The following UBR3 variants were observed in gnomAD, a reference collection of about 807,000 sequenced individuals.
UBR3 encodes E3 ubiquitin-protein ligase UBR3.
Under a neutral mutation model 243.2 loss-of-function variants are expected in UBR3, and 85 were observed. The observed-to-expected ratio is 0.35, with a 90% CI of 0.29 to 0.42. The LOEUF is 0.42. UBR3 is among the 10% of genes least tolerant of loss of function. The pLI, the probability that UBR3 is intolerant of heterozygous loss-of-function variation, is 1.00. For synonymous variants in UBR3, 748 were observed against 799.8 expected, an observed-to-expected ratio of 0.94 and a Z score of 1.09; for missense variants, 1,686 against 2,300.8, an observed-to-expected ratio of 0.73 and a Z score of 5.47.
intron 29 of UBR3, among the ~76,000 whole-genome samples, chr2:170,009,407 G>GAGAGGA (rs2090018716): frequency 6.6e-6 from 1 of 152,140 alleles, no homozygotes; most frequent in Admixed American, 6.5e-5. Context: ...TCAGATAAGG[G>GAGAGGA]AGAGGAAGCA....
chr2:169,910,633 CGTCTGGTTCCTAGA>C (rs2085216212), intron 10 of UBR3, among the ~76,000 whole-genome samples: 1 of 152,040 alleles, frequency 6.6e-6, no homozygotes, highest in African/African-American at 2.4e-5. Context: ...GTTATAGGAG[CGTCTGGTTCCTAGA>C]TAAGACATTC....
At chr2:169,977,258 C>A (rs918445252) in intron 24 of UBR3, among the ~76,000 whole-genome samples, 1 of 151,756 alleles carries the variant, frequency 6.6e-6, no homozygotes, top group African/African-American at 2.4e-5. Context: ...TAGAGAGATA[C>A]GAAGTTCAAA....
At position 169,926,721 on chromosome 2, in the gene UBR3, T is replaced by C. The variant is rs2085924347; in HGVS notation, c.2181T>C (p.Tyr727=). 11 of 1,550,108 alleles carry C rather than the reference T, an allele frequency of 7.1e-6. 1 individual carries two copies. The highest frequency in any genetic ancestry group is 9.6e-6 in the Non-Finnish European group (11 of 1,146,496). ...QVCASRLDPD[Y]FISSVFERFK... ...GTGCTTCTAGACTTGACCCAGATTA[T>C]TTTATTTCATCCGTCTTTGAAAGGT... The change falls in exon 15 of 39, where the codon TAT becomes TAC. Residue 727 remains tyrosine, a synonymous_variant. Coordinates refer to ENST00000272793, the MANE Select transcript of UBR3 (RefSeq NM_172070.4).
chr2:169,921,823 C>G (rs748544881), intron 11 of UBR3, among the ~76,000 whole-genome samples: 1 of 152,084 alleles, frequency 6.6e-6, no homozygotes, highest in Non-Finnish European at 1.5e-5. Flanking sequence ...GAAACCCTGT[C>G]TCTACTAAAA....
At chr2:169,865,054 C>T (rs2083211960) in intron 1 of UBR3, among the ~76,000 whole-genome samples, 1 of 152,040 alleles carries the variant, frequency 6.6e-6, no homozygotes, top group African/African-American at 2.4e-5. Flanking sequence ...CCAAGGCACT[C>T]CAGCCTGGGC....
chr2:169,985,802 T>A (rs979192302), intron 24 of UBR3, among the ~76,000 whole-genome samples: 1 of 152,168 alleles, frequency 6.6e-6, no homozygotes, highest in African/African-American at 2.4e-5. Flanking sequence ...CTGCATGAAT[T>A]CTTATTTTAA....
rs936044566 is a variant in UBR3 at position 169,875,652 on chromosome 2, G to A, written c.686-139G>A. On this transcript the variant is annotated intron_variant, in intron 2 of 38. Transcript: ENST00000272793. ...GGGCAGATACCAATTTCTAAACAGA[G>A]TTCTTGTATTGACTTTTTTGATTAT... 1.4e-4 allele frequency: 123 copies of A among 848,866 alleles called. 1 individual carries two copies. The African/African-American group carries it at 2.0e-3, about 14-fold the overall frequency. The allele number at this position is 848,866 out of a possible 1,614,324, so 52.6% of individuals were successfully genotyped here.
intron 24 of UBR3, among the ~76,000 whole-genome samples, chr2:169,976,461 T>G (rs1426745715): frequency 6.6e-6 from 1 of 152,228 alleles, no homozygotes; most frequent in Non-Finnish European, 1.5e-5. Flanking sequence ...ATGAATTCCC[T>G]CAGTTTCTCC....
intron 18 of UBR3, 131 bp downstream of exon 18, chr2:169,928,999 A>AAGACATAC: frequency 1.3e-6 from 1 of 775,396 alleles, no homozygotes; most frequent in Non-Finnish European, 1.8e-6. Context: ...TTTTGTTATA[A>AAGACATAC]ATGTATGTCT....
chr2:169,912,046 G>A (rs2085272988), intron 10 of UBR3, among the ~76,000 whole-genome samples: 1 of 152,096 alleles, frequency 6.6e-6, no homozygotes, highest in Non-Finnish European at 1.5e-5. Flanking sequence ...ACAGGACATG[G>A]AGATGAGTAA....
At chr2:169,912,173 C>T (rs1220872033) in intron 10 of UBR3, among the ~76,000 whole-genome samples, 1 of 152,040 alleles carries the variant, frequency 6.6e-6, no homozygotes, top group African/African-American at 2.4e-5. Flanking sequence ...GCTTTCTGCA[C>T]TTACACATTA....
chr2:170,074,449 G>A (rs963105182), intron 36 of UBR3, among the ~76,000 whole-genome samples: 1 of 152,046 alleles, frequency 6.6e-6, no homozygotes, highest in African/African-American at 2.4e-5. Context: ...TATGGAAGAA[G>A]GTATGGACTC....
chr2:170,075,264 G>T (rs1293784575), intron 36 of UBR3, among the ~76,000 whole-genome samples: 1 of 151,796 alleles, frequency 6.6e-6, no homozygotes, highest in Non-Finnish European at 1.5e-5. Context: ...ATATCTTCCT[G>T]TCTAGTAATT....
intron 19 of UBR3, among the ~76,000 whole-genome samples, chr2:169,938,834 T>TA (rs1487709557): frequency 1.2e-4 from 18 of 152,212 alleles, no homozygotes; most frequent in African/African-American, 4.1e-4. Flanking sequence ...AGTTAGTTTT[T>TA]ATGTATGCTG....
chr2:169,883,664 T>G (rs886880442), intron 5 of UBR3, among the ~76,000 whole-genome samples: 5 of 152,216 alleles, frequency 3.3e-5, no homozygotes, highest in African/African-American at 1.2e-4. Context: ...CTTATAAATT[T>G]TCTATCTATT....
intron 27 of UBR3, among the ~76,000 whole-genome samples, chr2:170,002,182 T>C (rs2089737830): frequency 6.6e-6 from 1 of 152,146 alleles, no homozygotes; most frequent in Non-Finnish European, 1.5e-5. Flanking sequence ...TTTCTTGTAC[T>C]ATACCCATTC....
In UBR3 at chr2:170,019,781, C is replaced by T. The variant is rs1347597107; in HGVS notation, c.4453+4415C>T. Among the ~76,000 whole-genome samples, 3 of 151,994 alleles carry T rather than the reference C, an allele frequency of 2.0e-5. No homozygotes were observed. The South Asian group carries it at 6.3e-4, about 32-fold the overall frequency. On this transcript the variant is annotated intron_variant, in intron 30 of 38. Transcript: ENST00000272793. ...AAATAATGAGTTTTTACAAAATTAC[C>T]CTTTTATTGTTGAGAGACAGGTTCT...
At position 169,904,311 on chromosome 2, in the gene UBR3, C is replaced by T. The variant is rs116578230; in HGVS notation, c.1466-803C>T. 2.8e-3 allele frequency among the ~76,000 whole-genome samples: 430 copies of T among 152,226 alleles called. 4 individuals carry two copies. Among genetic ancestry groups the T allele is most frequent in the Non-Finnish European group, 2.4e-3 (164 of 68,008 alleles). On this transcript the variant is annotated intron_variant, in intron 8 of 38. Coordinates refer to ENST00000272793, the MANE Select transcript of UBR3 (RefSeq NM_172070.4). ...CAAAAATTGACTCTAGGTAACCATA[C>T]GCCCCAGCCTGTGTACAGGGAATGA...
chr2:170,018,814 T>C (rs2090314859), intron 30 of UBR3, among the ~76,000 whole-genome samples: 2 of 152,344 alleles, frequency 1.3e-5, no homozygotes, highest in South Asian at 2.1e-4. Flanking sequence ...GGCATAACTT[T>C]TTATTAAAAA....
Sources: gnomAD v4.1 joint callset for allele counts (sites outside exome capture counted in the v4.1 genomes callset) on GRCh38, gnomAD v4.1.1 for gene constraint, MANE v1.5 for transcripts, NCBI Gene and HGNC (gene_info 2026-07-23, HGNC 2026-07-21) for gene names.